FRY: variants seen among roughly 807,000 people sequenced by gnomAD.
FRY encodes the protein protein furry homolog.
In FRY, 128 loss-of-function variants were observed where a neutral mutation model predicts 348.4. The observed-to-expected ratio is 0.37, with a 90% CI of 0.32 to 0.43. The LOEUF is 0.43. FRY is among the 20% of genes least tolerant of loss of function. The pLI, the probability that FRY is intolerant of heterozygous loss-of-function variation, is 1.00. For synonymous variants in FRY, 1,370 were observed against 1,374.7 expected, an observed-to-expected ratio of 1.00 and a Z score of 0.08; for missense variants, 2,736 against 3,695.2, an observed-to-expected ratio of 0.74 and a Z score of 6.73.
intron 4 of FRY, among the ~76,000 whole-genome samples, chr13:32,122,007 T>A (rs1878688825): frequency 6.6e-6 from 1 of 152,206 alleles, no homozygotes; most frequent in South Asian, 2.1e-4. Context: ...GGCTAGCCAA[T>A]TATCCCAGCA....
chr13:32,034,265 T>G (rs529086390), intron 1 of FRY, among the ~76,000 whole-genome samples: 42 of 152,348 alleles, frequency 2.8e-4, no homozygotes, highest in African/African-American at 9.6e-4. Context: ...CAGGTAAAGC[T>G]TTCCATATTT....
At chr13:32,161,350 C>T in intron 17 of FRY, 99 bp downstream of exon 17, 2 of 859,588 alleles carry the variant, frequency 2.3e-6, no homozygotes, top group South Asian at 2.7e-5. Flanking sequence ...AAATATTTAC[C>T]AAATGAGGTA....
intron 1 of FRY, among the ~76,000 whole-genome samples, chr13:32,061,372 T>C (rs991939417): frequency 1.3e-5 from 2 of 152,234 alleles, no homozygotes; most frequent in African/African-American, 4.8e-5. Flanking sequence ...GGAGGCAAGA[T>C]GTCCTTTTTG....
At chr13:32,172,641 T>C (rs1882160014) in intron 18 of FRY, among the ~76,000 whole-genome samples, 1 of 152,124 alleles carries the variant, frequency 6.6e-6, no homozygotes, top group Non-Finnish European at 1.5e-5. Context: ...AGAGTGTAAC[T>C]GAGAGTCTAA....
chr13:32,253,921 G>T (rs1232203137), intron 50 of FRY, among the ~76,000 whole-genome samples: 1 of 149,774 alleles, frequency 6.7e-6, no homozygotes, highest in Non-Finnish European at 1.5e-5. Context: ...TTTCCTGGCT[G>T]CTCCAGTTTA....
intron 47 of FRY, among the ~76,000 whole-genome samples, chr13:32,244,484 G>T (rs1011974563): frequency 1.3e-5 from 2 of 152,164 alleles, no homozygotes; most frequent in Non-Finnish European, 1.5e-5. Context: ...CAGAGTCTTG[G>T]TTTTTTTATC....
chr13:32,127,506 G>T lies in FRY; in HGVS notation c.716+2631G>T, dbSNP rs568273357. On this transcript the variant is annotated intron_variant, in intron 7 of 60. Coordinates refer to ENST00000542859, the MANE Select transcript of FRY (RefSeq NM_023037.3). The stretch of plus-strand genomic sequence containing the variant: ...CTTTTAAAAATAAAAGTCTGAGTGC[G>T]GTGGCTCACACCTGTAATTCCATCA... Among the ~76,000 whole-genome samples, 1,430 of 152,136 alleles carry T rather than the reference G, an allele frequency of 9.4e-3. 8 individuals are homozygous for T. The highest frequency in any genetic ancestry group is 0.017 in the Middle Eastern group (5 of 294).
chr13:32,239,628 G>A lies in FRY; in HGVS notation c.6517-83G>A. On this transcript the variant is annotated intron_variant, in intron 45 of 60. Coordinates refer to ENST00000542859, the MANE Select transcript of FRY (RefSeq NM_023037.3). This position sits in a 1 kb window ranked among gnomAD's most constrained non-coding sequence, Gnocchi z 4.3. ...AGTGTATCAATCTACTTTCCAGATG[G>A]CCAGAGCTTATAGTAAAATTGCTAA... 4 of 958,228 alleles carry A rather than the reference G, an allele frequency of 4.2e-6. No homozygotes were observed. Among genetic ancestry groups the A allele is most frequent in the Admixed American group, 3.7e-5 (2 of 54,012 alleles). The allele number at this position is 958,228 out of a possible 1,614,324, so 59.4% of individuals were successfully genotyped here. A position where few individuals can be genotyped will look rare whatever the true frequency, so the allele number is the denominator to read the frequency against.
chr13:32,219,021 G>A (rs1434185555), intron 36 of FRY, among the ~76,000 whole-genome samples, 190 bp downstream of exon 36: 2 of 149,998 alleles, frequency 1.3e-5, no homozygotes, highest in African/African-American at 2.4e-5. Flanking sequence ...AAAAACCATG[G>A]ACAAATCAAA....
At chr13:32,262,732 C>T (rs537591997) in intron 53 of FRY, among the ~76,000 whole-genome samples, 8 of 152,306 alleles carry the variant, frequency 5.3e-5, no homozygotes, top group Admixed American at 1.3e-4. Context: ...AGACATTTTG[C>T]ATGAACACTG....
At position 32,178,889 on chromosome 13, in the gene FRY, C is replaced by A. The variant is rs1302071298; in HGVS notation, c.2727C>A (p.Asp909Glu). ...AKKTSTAGSG[D>E]NYVTLWRNYL... ...AAACCAGCACTGCCGGCAGCGGAGA[C>A]AACTATGTTACTTTGTGGAGAAATT... Residue 909 changes from aspartate (D) to glutamate (E), a missense_variant, in exon 22 of 61, where the codon GAC (aspartate) becomes GAA (glutamate). Coordinates refer to ENST00000542859, the MANE Select transcript of FRY (RefSeq NM_023037.3). 6.2e-7 allele frequency: 1 copy of A among 1,613,688 alleles called. No homozygotes were observed.
chr13:32,244,216 T>A (rs1376738875), intron 47 of FRY, 34 bp downstream of exon 47: 1 of 1,601,190 alleles, frequency 6.2e-7, no homozygotes, highest in Non-Finnish European at 8.6e-7. Context: ...AAGCAACCAG[T>A]CGTTCTAAAA....
chr13:32,156,981 G>A (rs1260472231), intron 15 of FRY, among the ~76,000 whole-genome samples: 1 of 152,014 alleles, frequency 6.6e-6, no homozygotes, highest in African/African-American at 2.4e-5. Context: ...AATTCAAATT[G>A]CTTTAATTTG....
chr13:32,242,393 C>T (rs1886558130), intron 46 of FRY, among the ~76,000 whole-genome samples: 1 of 152,148 alleles, frequency 6.6e-6, no homozygotes, highest in Non-Finnish European at 1.5e-5. Flanking sequence ...TGTATCCCCA[C>T]TAAATTTTGT....
In FRY at chr13:32,184,985, A is replaced by T; in HGVS notation, c.3156A>T (p.Gly1052=). The T allele has an allele frequency of 5.6e-6, 9 of 1,613,748 alleles. No individual in the cohort carries two copies. The highest frequency in any genetic ancestry group is 1.3e-5 in the African/African-American group (1 of 75,034). The change falls in exon 26 of 61, where the codon GGA becomes GGT. Residue 1052 remains glycine (G), a synonymous_variant. Transcript: ENST00000542859. Reference sequence around the variant, plus strand: ...TTTTCCTTTATTCCAGCACAAATGGAGCCCTAGAGCGGGATACTTTAGCCC... The same window carrying T: ...TTTTCCTTTATTCCAGCACAAATGGTGCCCTAGAGCGGGATACTTTAGCCC... ...DAGVISDSTN[G]ALERDTLALG...
intron 1 of FRY, among the ~76,000 whole-genome samples, chr13:32,072,959 A>G (rs922840837): frequency 1.3e-5 from 2 of 152,220 alleles, no homozygotes; most frequent in African/African-American, 4.8e-5. Flanking sequence ...TAATCAGATC[A>G]CCTTTCTATG....
chr13:32,195,798 A>C (rs914788183), intron 29 of FRY, among the ~76,000 whole-genome samples: 12 of 152,188 alleles, frequency 7.9e-5, no homozygotes, highest in Non-Finnish European at 4.4e-5. Flanking sequence ...TTGGTTTCTT[A>C]GACAAATATT....
At chr13:32,240,266 CA>C (rs1484513506) in intron 46 of FRY, among the ~76,000 whole-genome samples, 1 of 152,188 alleles carries the variant, frequency 6.6e-6, no homozygotes, top group African/African-American at 2.4e-5. Flanking sequence ...GCAGCAGAGT[CA>C]GCCTTTAAAC....
intron 29 of FRY, 88 bp from the exon 30 acceptor site, chr13:32,201,853 C>T: frequency 2.5e-6 from 2 of 814,274 alleles, no homozygotes; most frequent in Non-Finnish European, 2.2e-6. Context: ...CCGAGGTCAG[C>T]ATGCCAGCTA....
Sources: allele counts gnomAD v4.1 joint callset (sites outside exome capture counted in the v4.1 genomes callset), GRCh38; gene constraint gnomAD v4.1.1; non-coding constraint Gnocchi (gnomAD v3.1); transcripts MANE v1.5; gene names NCBI Gene and HGNC (gene_info 2026-07-23, HGNC 2026-07-21).